LSS: variants seen among roughly 807,000 people sequenced by gnomAD.
LSS encodes 2,3-epoxysqualene-lanosterol cyclase.
Under a neutral mutation model 110.3 loss-of-function variants are expected in LSS, and 90 were observed. The ratio of observed to expected loss-of-function variants is 0.82; its 90% CI spans 0.69 to 0.97. The LOEUF (loss-of-function observed/expected upper bound fraction) is 0.97, where lower values mean the gene tolerates loss of function less well. LSS is among the 50% of genes least tolerant of loss of function. The pLI is 0.00. For synonymous variants in LSS, 433 were observed against 400.0 expected (o/e 1.08, Z -0.98); for missense variants, 927 against 990.0 (o/e 0.94, Z 0.85).
intron 9 of LSS, among the ~76,000 whole-genome samples, chr21:46,214,606 C>A (rs1006683620): frequency 6.6e-6 from 1 of 152,172 alleles, no homozygotes; most frequent in Non-Finnish European, 1.5e-5. Flanking sequence ...GCAGCACAGC[C>A]CAGGGCCTGC....
At chr21:46,194,886 T>C (rs1163996036) in intron 19 of LSS, among the ~76,000 whole-genome samples, 1 of 152,210 alleles carries the variant, frequency 6.6e-6, no homozygotes, top group Non-Finnish European at 1.5e-5. Flanking sequence ...CAAAGGGACA[T>C]GCGAGTACCG....
At position 46,227,685 on chromosome 21, in the gene LSS, ATTC is replaced by A; in HGVS notation, c.183_185del (p.Lys61del). The A allele has an allele frequency of 6.2e-7, 1 of 1,607,242 alleles. No individual in the cohort carries two copies. The highest frequency in any genetic ancestry group is 1.1e-5 in the South Asian group (1 of 90,580). On this transcript the variant is annotated inframe_deletion and splice_region_variant, in exon 3 of 22. Transcript: ENST00000397728. The stretch of plus-strand genomic sequence containing the variant: ...GGGCTTTGGGCAAGTCCTTAAAGTA[ATTC>A]TTCTGCAAAGAGATCGAAAAAAAAA...
chr21:46,206,803 T>G (rs749632506), intron 15 of LSS, 35 bp from the exon 16 acceptor site: 1 of 1,545,258 alleles, frequency 6.5e-7, no homozygotes, highest in Non-Finnish European at 8.9e-7. Flanking sequence ...AACTCGCCCA[T>G]GTGCTGAGCA....
chr21:46,228,515 C>T lies in LSS; in HGVS notation c.99G>A (p.Arg33=). 1 of 1,601,574 alleles carries T rather than the reference C, an allele frequency of 6.2e-7. No homozygotes were observed. Among genetic ancestry groups the T allele is most frequent in the East Asian group, 2.2e-5 (1 of 44,808 alleles). ...CGTCCTGCAGGTAGGTCCACGTCTG[C>T]CGGCCCCTCTCGCAGTTGAGTCGCC... The part of the protein sequence containing the change: ...GRWRLNCERG[R]QTWTYLQDER... Residue 33 remains arginine (R), a synonymous_variant, in exon 2 of 22, where the codon CGG becomes CGA. Coordinates refer to ENST00000397728, the MANE Select transcript of LSS (RefSeq NM_002340.6).
At position 46,216,205 on chromosome 21, in the gene LSS, C is replaced by T. The variant is rs1227916461; in HGVS notation, c.783+184G>A. 1.3e-5 allele frequency among the ~76,000 whole-genome samples: 2 copies of T among 152,198 alleles called. No homozygotes were observed. The highest frequency in any genetic ancestry group is 4.8e-5 in the African/African-American group (2 of 41,444). ...ACTGACTGTCCCATAGCACAAGTCC[C>T]CTCTGGGCAGAGCTTGCTCACTGTT... On this transcript the variant is annotated intron_variant, in intron 7 of 21. Coordinates refer to ENST00000397728, the MANE Select transcript of LSS (RefSeq NM_002340.6). The surrounding 1 kb of genome is among the most constrained non-coding windows in gnomAD (Gnocchi z 4.2).
chr21:46,228,238 G>A (rs1461446726), intron 2 of LSS, among the ~76,000 whole-genome samples, 196 bp downstream of exon 2: 5 of 152,254 alleles, frequency 3.3e-5, no homozygotes, highest in African/African-American at 9.6e-5. Context: ...TAAAACATTA[G>A]GAGTCTCCTA....
intron 5 of LSS, among the ~76,000 whole-genome samples, chr21:46,220,057 C>T (rs553844935): frequency 6.6e-6 from 1 of 152,306 alleles, no homozygotes; most frequent in South Asian, 2.1e-4. Context: ...CAAAGACGAC[C>T]CTAGACTCCA....
intron 17 of LSS, among the ~76,000 whole-genome samples, 199 bp downstream of exon 17, chr21:46,205,637 G>A (rs1266639218): frequency 6.6e-6 from 1 of 152,198 alleles, no homozygotes; most frequent in Non-Finnish European, 1.5e-5. Context: ...TATCATAACT[G>A]TGCTATTCTG....
chr21:46,195,432 C>T (rs996266241), intron 19 of LSS, among the ~76,000 whole-genome samples: 9 of 152,270 alleles, frequency 5.9e-5, no homozygotes, highest in South Asian at 2.1e-4. Flanking sequence ...AAGATTAGCC[C>T]GGGGTGGTGG....
chr21:46,218,675 T>G (rs767884414), intron 6 of LSS, among the ~76,000 whole-genome samples: 2 of 151,940 alleles, frequency 1.3e-5, no homozygotes, highest in Non-Finnish European at 2.9e-5. Flanking sequence ...AATGTTGATT[T>G]TGCTGGGTAT....
intron 17 of LSS, among the ~76,000 whole-genome samples, chr21:46,196,875 G>A (rs1236264098): frequency 6.6e-6 from 1 of 152,238 alleles, no homozygotes; most frequent in African/African-American, 2.4e-5. Flanking sequence ...TTGTGAAGAT[G>A]CCATCTAGAG....
Position 46,195,687 on chromosome 21 carries a change from G to GA in LSS, c.1805_1806insT (p.Tyr603LeufsTer15), listed in dbSNP as rs1164689445. 3 of 1,613,842 alleles carry GA rather than the reference G, an allele frequency of 1.9e-6. No homozygotes were observed. The highest frequency in any genetic ancestry group is 2.5e-6 in the Non-Finnish European group (3 of 1,179,988). On this transcript the variant is annotated frameshift_variant, in exon 19 of 22. Coordinates refer to ENST00000397728, the MANE Select transcript of LSS (RefSeq NM_002340.6). LOFTEE classifies it high-confidence loss of function. ...AGGCACTCACTCACCCATCTCGGTA[G>GA]GTCTGCCCCATACAGGCGAAGGCCT...
In LSS at chr21:46,216,364, ACTTTGTTCC is replaced by A. The variant is rs1451866572; in HGVS notation, c.783+16_783+24del. The A allele has an allele frequency of 2.5e-6, 4 of 1,613,142 alleles. No homozygotes were observed. The highest frequency in any genetic ancestry group is 3.4e-6 in the Non-Finnish European group (4 of 1,179,940). ...GTGGGTCCCAGCCCCAGAGGCCTTC[ACTTTGTTCC>A]CTGATGAGGTCCTACCTGGCGGAGG... is the stretch of plus-strand genomic sequence containing the variant. On this transcript the variant is annotated intron_variant, in intron 7 of 21. Coordinates refer to ENST00000397728, the MANE Select transcript of LSS (RefSeq NM_002340.6). This position sits in a 1 kb window ranked among gnomAD's most constrained non-coding sequence, Gnocchi z 4.2.
At chr21:46,193,605 A>G (rs758744936) in intron 20 of LSS, 2 of 404,026 alleles carry the variant, frequency 5.0e-6, no homozygotes, top group South Asian at 1.6e-5. Flanking sequence ...GTGCCTGTGC[A>G]TGCGTATGTG....
chr21:46,226,075 G>A (rs1354154952), intron 3 of LSS, among the ~76,000 whole-genome samples: 1 of 151,140 alleles, frequency 6.6e-6, no homozygotes, highest in African/African-American at 2.4e-5. Flanking sequence ...GGCAGAGGCT[G>A]CAACGAGCCA....
At position 46,215,290 on chromosome 21, in the gene LSS, T is replaced by C; in HGVS notation, c.901A>G (p.Asn301Asp). The C allele has an allele frequency of 6.2e-7, 1 of 1,606,582 alleles. No individual in the cohort carries two copies. The highest frequency in any genetic ancestry group is 8.5e-7 in the Non-Finnish European group (1 of 1,177,946). The change falls in exon 9 of 22, where the codon AAC (asparagine) becomes GAC (aspartate). Residue 301 changes from asparagine (N) to aspartate (D), a missense_variant. Coordinates refer to ENST00000397728, the MANE Select transcript of LSS (RefSeq NM_002340.6). ...WLLRVVYALL[N>D]LYEHHHSAHL... Reference sequence around the variant, plus strand: ...GCACTGTGGTGGTGCTCATACAGGTTGAGGAGCGCTACAGGGGACAGGGGT... The same window carrying C: ...GCACTGTGGTGGTGCTCATACAGGTCGAGGAGCGCTACAGGGGACAGGGGT...
intron 20 of LSS, 171 bp from the exon 21 acceptor site, chr21:46,192,130 G>A (rs1174841712): frequency 1.6e-6 from 1 of 636,568 alleles, no homozygotes; most frequent in Non-Finnish European, 2.8e-6. Context: ...TCGGGCTCTT[G>A]CCACACCTTC....
chr21:46,219,430 C>T (rs376172275), intron 6 of LSS, 46 bp downstream of exon 6: 178 of 1,433,884 alleles, frequency 1.2e-4, no homozygotes, highest in African/African-American at 1.2e-3. Flanking sequence ...CTCTACTCCC[C>T]GGGACAGCAG....
intron 6 of LSS, among the ~76,000 whole-genome samples, chr21:46,217,898 G>A (rs978991923): frequency 2.0e-5 from 3 of 152,138 alleles, no homozygotes; most frequent in South Asian, 2.1e-4. Flanking sequence ...TCTACGGCCC[G>A]CCTCAGGTAG....
Sources: gnomAD v4.1 joint callset for allele counts (sites outside exome capture counted in the v4.1 genomes callset) on GRCh38, gnomAD v4.1.1 for gene constraint, Gnocchi (gnomAD v3.1) non-coding constraint, MANE v1.5 for transcripts, NCBI Gene and HGNC (gene_info 2026-07-23, HGNC 2026-07-21) for gene names.